The following MAPK10 variants were observed in gnomAD, a reference collection of about 807,000 sequenced individuals.
MAPK10 encodes the protein mitogen-activated protein kinase 10.
A neutral mutation model predicts 59.3 loss-of-function variants in MAPK10; 25 were observed. The observed-to-expected ratio is 0.42, with a 90% CI of 0.31 to 0.59. MAPK10 has a LOEUF of 0.59. Ranked by LOEUF, MAPK10 falls within the 20% of genes least tolerant of loss-of-function variation. MAPK10 has a pLI of 0.15. For synonymous variants in MAPK10, 190 were observed against 200.5 expected (o/e 0.95, Z 0.44); for missense variants, 351 against 568.9 (o/e 0.62, Z 3.90).
chr4:86,592,009 C>CT (rs1763079984), intron 1 of MAPK10, among the ~76,000 whole-genome samples: 1 of 151,878 alleles, frequency 6.6e-6, no homozygotes, highest in Non-Finnish European at 1.5e-5. Context: ...TGATGCTGGA[C>CT]TTTACAAAAT....
chr4:86,088,533 T>G (rs1014735496), intron 9 of MAPK10, among the ~76,000 whole-genome samples: 1 of 152,154 alleles, frequency 6.6e-6, no homozygotes, highest in African/African-American at 2.4e-5. Context: ...AGAATCACTT[T>G]TACTTATTCA....
chr4:86,091,536 A>ATTTTTTTTTTT (rs71657508), intron 9 of MAPK10: 18 of 67,416 alleles, frequency 2.7e-4, no homozygotes, highest in Non-Finnish European at 3.6e-4. Flanking sequence ...AAATCCCTTG[A>ATTTTTTTTTTT]TTTTTTTTTT....
intron 1 of MAPK10, among the ~76,000 whole-genome samples, chr4:86,518,005 GT>G (rs1199979912): frequency 2.0e-5 from 3 of 151,922 alleles, no homozygotes; most frequent in Non-Finnish European, 1.5e-5. Flanking sequence ...TTTTTTGTTT[GT>G]TTTTTGGTTT....
chr4:86,487,243 CT>C (rs1046409013), intron 1 of MAPK10, among the ~76,000 whole-genome samples: 1 of 151,848 alleles, frequency 6.6e-6, no homozygotes, highest in Non-Finnish European at 1.5e-5. Context: ...AATTTGACAA[CT>C]GTATTATGGT....
At chr4:86,344,252 G>A (rs748240278) in intron 2 of MAPK10, among the ~76,000 whole-genome samples, 9 of 152,200 alleles carry the variant, frequency 5.9e-5, no homozygotes, top group Admixed American at 4.6e-4. Context: ...TCAGCTTCCC[G>A]AGTAGCTGGG....
At chr4:86,458,736 T>A (rs547274189) in intron 1 of MAPK10, among the ~76,000 whole-genome samples, 1 of 152,272 alleles carries the variant, frequency 6.6e-6, no homozygotes, top group African/African-American at 2.4e-5. Flanking sequence ...TGAAACTGGA[T>A]CCTCATCTCT....
chr4:86,094,078 CA>C (rs2053761437), intron 9 of MAPK10, among the ~76,000 whole-genome samples: 1 of 151,768 alleles, frequency 6.6e-6, no homozygotes, highest in South Asian at 2.1e-4. Flanking sequence ...AGGAATTAAG[CA>C]CTATTATTTC....
chr4:86,318,081 G>A (rs2095823993), intron 2 of MAPK10, among the ~76,000 whole-genome samples: 1 of 152,072 alleles, frequency 6.6e-6, no homozygotes, highest in Non-Finnish European at 1.5e-5. Context: ...AATTATATTG[G>A]ATTTAGGGGC....
intron 9 of MAPK10, among the ~76,000 whole-genome samples, chr4:86,075,586 T>C (rs2049141373): frequency 6.6e-6 from 1 of 152,188 alleles, no homozygotes; most frequent in African/African-American, 2.4e-5. Context: ...TGGATGTCCT[T>C]TCTGTTTGTT....
intron 2 of MAPK10, among the ~76,000 whole-genome samples, chr4:86,269,496 C>T (rs918261633): frequency 6.6e-6 from 1 of 152,150 alleles, no homozygotes; most frequent in Admixed American, 6.6e-5. Flanking sequence ...TCAGAAAGTG[C>T]TTGAGTGCCT....
chr4:86,205,189 A>G (rs1435550880), intron 2 of MAPK10, among the ~76,000 whole-genome samples: 2 of 152,084 alleles, frequency 1.3e-5, no homozygotes, highest in Admixed American at 1.3e-4. Context: ...AAAGAGAGCT[A>G]GTATCTTATA....
rs181029167 is a variant in MAPK10 at position 86,356,072 on chromosome 4, C to T, written c.-121-1428G>A. On this transcript the variant is annotated intron_variant, in intron 1 of 13. Transcript: ENST00000641462. The stretch of plus-strand genomic sequence containing the variant: ...ACACACACACACACACACACACACA[C>T]GTGTACAAACACAAGGTAGTGAAAA... Among the ~76,000 whole-genome samples, 449 of 147,908 alleles carry T rather than the reference C, an allele frequency of 3.0e-3. 6 individuals carry two copies. Among genetic ancestry groups the T allele is most frequent in the East Asian group, 0.019 (93 of 4,984 alleles).
intron 1 of MAPK10, among the ~76,000 whole-genome samples, chr4:86,513,804 G>A (rs749966936): frequency 2.6e-5 from 4 of 152,038 alleles, no homozygotes; most frequent in East Asian, 1.9e-4. Context: ...TACTGGCCAC[G>A]CACTTTGAGA....
chr4:86,047,610 G>A (rs1464347053), intron 11 of MAPK10, among the ~76,000 whole-genome samples: 1 of 152,154 alleles, frequency 6.6e-6, no homozygotes, highest in Non-Finnish European at 1.5e-5. Context: ...GAAAATATCA[G>A]TGTATGGTTT....
At chr4:86,479,914 C>T (rs143296029) in intron 1 of MAPK10, among the ~76,000 whole-genome samples, 6,917 of 152,214 alleles carry the variant, frequency 0.045, 243 homozygotes, top group Non-Finnish European at 0.071. Context: ...CTCTCCCACT[C>T]TAGGTTCCCA....
At chr4:86,472,129 G>T (rs1194463557) in intron 1 of MAPK10, among the ~76,000 whole-genome samples, 1 of 152,084 alleles carries the variant, frequency 6.6e-6, no homozygotes, top group Admixed American at 6.6e-5. Flanking sequence ...AACATTTCAA[G>T]TTAAAGAGTT....
At chr4:86,222,027 C>A (rs1404798122) in intron 2 of MAPK10, among the ~76,000 whole-genome samples, 2 of 152,068 alleles carry the variant, frequency 1.3e-5, no homozygotes. Context: ...AGCATCTGCC[C>A]CTCACTCTCT....
chr4:86,095,765 C>A (rs1382043727), intron 9 of MAPK10: 1 of 151,688 alleles, frequency 6.6e-6, no homozygotes, highest in Non-Finnish European at 1.5e-5. Flanking sequence ...TAAAACAATT[C>A]TACTCAAAAT....
chr4:86,192,287 T>A (rs1322856616), intron 3 of MAPK10: 2 of 152,034 alleles, frequency 1.3e-5, no homozygotes, highest in Non-Finnish European at 2.9e-5. Context: ...TTGTGGTGTT[T>A]TCTGTATTTC....
Sources: gnomAD v4.1 joint callset for allele counts (sites outside exome capture counted in the v4.1 genomes callset) on GRCh38, gnomAD v4.1.1 for gene constraint, MANE v1.5 for transcripts, NCBI Gene and HGNC (gene_info 2026-07-23, HGNC 2026-07-21) for gene names.